Variants in OSBPL6 observed in about 807,000 individuals in gnomAD.
OSBPL6 encodes the protein oxysterol-binding protein-related protein 6.
In OSBPL6, 49 loss-of-function variants were observed where a neutral mutation model predicts 125.8. The ratio of observed to expected loss-of-function variants is 0.39; its 90% CI spans 0.31 to 0.49. The LOEUF is 0.49. Among genes scored for constraint, OSBPL6 ranks in the 20% least tolerant of loss-of-function variants. The probability of loss-of-function intolerance (pLI) is 0.88; values close to 1 mark genes in which losing one functional copy is unlikely to be tolerated. For missense variants in OSBPL6, 986 were observed against 1,135.4 expected (o/e 0.87, Z 1.89); for synonymous variants, 394 against 391.8 (o/e 1.01, Z -0.07).
chr2:178,203,097 C>T (rs1171962147), intron 1 of OSBPL6, among the ~76,000 whole-genome samples: 1 of 152,138 alleles, frequency 6.6e-6, no homozygotes, highest in East Asian at 1.9e-4. Flanking sequence ...TCTCACAGCT[C>T]ACTGAGGCTA....
chr2:178,291,880 T>TC (rs1345645459), intron 2 of OSBPL6, among the ~76,000 whole-genome samples: 1 of 151,974 alleles, frequency 6.6e-6, no homozygotes, highest in Non-Finnish European at 1.5e-5. Context: ...AACCTGAATC[T>TC]CAGAGGTAGG....
intron 1 of OSBPL6, among the ~76,000 whole-genome samples, chr2:178,272,457 A>G (rs978388147): frequency 5.9e-5 from 9 of 152,186 alleles, no homozygotes; most frequent in African/African-American, 2.2e-4. Context: ...CCAGAGGCAA[A>G]CAGTATTTTA....
At chr2:178,237,259 C>T (rs1475740391) in intron 1 of OSBPL6, among the ~76,000 whole-genome samples, 1 of 152,212 alleles carries the variant, frequency 6.6e-6, no homozygotes, top group Non-Finnish European at 1.5e-5. Flanking sequence ...CAAGACCCTA[C>T]TTCTGTCCCC....
At chr2:178,354,999 C>T (rs569055153) in intron 12 of OSBPL6, among the ~76,000 whole-genome samples, 3 of 152,174 alleles carry the variant, frequency 2.0e-5, no homozygotes, top group Non-Finnish European at 4.4e-5. Context: ...GGGTAATTAA[C>T]GAAATGAAGG....
At chr2:178,323,193 A>AG (rs1391818987) in intron 3 of OSBPL6, among the ~76,000 whole-genome samples, 3 of 152,082 alleles carry the variant, frequency 2.0e-5, no homozygotes, top group African/African-American at 7.2e-5. Context: ...TTCCAACCCC[A>AG]CTTCATTCTT....
At chr2:178,339,165 G>C (rs1232069948) in intron 10 of OSBPL6, 71 bp downstream of exon 10, 10 of 857,590 alleles carry the variant, frequency 1.2e-5, no homozygotes, top group Non-Finnish European at 1.8e-5. Context: ...GTTGTTCTAT[G>C]AATATATAAG....
chr2:178,255,285 G>A (rs574315884), intron 1 of OSBPL6, among the ~76,000 whole-genome samples: 4 of 152,306 alleles, frequency 2.6e-5, no homozygotes, highest in South Asian at 2.1e-4. Context: ...GCCTGGCCAC[G>A]CAACAGGGCG....
At chr2:178,259,891 G>A (rs2092002602) in intron 1 of OSBPL6, among the ~76,000 whole-genome samples, 1 of 152,154 alleles carries the variant, frequency 6.6e-6, no homozygotes, top group Non-Finnish European at 1.5e-5. Flanking sequence ...TGCCGCTTAA[G>A]CTTGAGTCTA....
chr2:178,268,509 G>A (rs1042690803), intron 1 of OSBPL6, among the ~76,000 whole-genome samples: 1 of 152,140 alleles, frequency 6.6e-6, no homozygotes, highest in African/African-American at 2.4e-5. Flanking sequence ...AGCATTTCTA[G>A]CATGTTGGAT....
chr2:178,376,651 T>C (rs1415381738), intron 15 of OSBPL6, among the ~76,000 whole-genome samples: 1 of 152,166 alleles, frequency 6.6e-6, no homozygotes, highest in Non-Finnish European at 1.5e-5. Flanking sequence ...AGGATAATAT[T>C]CTAAACTCCT....
intron 1 of OSBPL6, among the ~76,000 whole-genome samples, chr2:178,268,044 G>A (rs1379975881): frequency 6.6e-6 from 1 of 151,282 alleles, no homozygotes; most frequent in Non-Finnish European, 1.5e-5. Flanking sequence ...AACACTAAAG[G>A]TTTTAAAGTA....
chr2:178,286,803 C>T (rs539418892), intron 2 of OSBPL6, among the ~76,000 whole-genome samples: 1 of 152,228 alleles, frequency 6.6e-6, no homozygotes, highest in South Asian at 2.1e-4. Context: ...GACACCAGGG[C>T]GACTCAGAGA....
Position 178,399,993 on chromosome 2 carries a change from C to T in OSBPL6, c.*4434C>T, listed in dbSNP as rs1239928701. ...TCTGCAATTTTTTTTTCTAGCCATTCCTTCCTCCCAAATAGAAGTGAGGGC... is the reference window on the plus strand; with the variant it reads ...TCTGCAATTTTTTTTTCTAGCCATTTCTTCCTCCCAAATAGAAGTGAGGGC... On this transcript the variant is annotated 3_prime_UTR_variant, in exon 25 of 25. Transcript: ENST00000190611. 2 of 151,930 alleles carry T rather than the reference C, an allele frequency of 1.3e-5. No homozygotes were observed. Among genetic ancestry groups the T allele is most frequent in the African/African-American group, 4.8e-5 (2 of 41,354 alleles). 9.4% of individuals were successfully genotyped at this position (151,930 alleles called of 1,614,324 possible).
intron 1 of OSBPL6, among the ~76,000 whole-genome samples, chr2:178,244,517 A>G (rs183502425): frequency 2.0e-5 from 3 of 152,314 alleles, no homozygotes; most frequent in Admixed American, 6.5e-5. Context: ...ATATATTTGC[A>G]TGAATGAATC....
chr2:178,333,118 C>T (rs1046975077), intron 8 of OSBPL6, 77 bp downstream of exon 8: 3 of 1,509,364 alleles, frequency 2.0e-6, no homozygotes, highest in Non-Finnish European at 2.7e-6. Flanking sequence ...CACTGTGGCT[C>T]ACGTGTGTAA....
chr2:178,317,595 G>A (rs1374996492), intron 3 of OSBPL6, among the ~76,000 whole-genome samples: 1 of 150,548 alleles, frequency 6.6e-6, no homozygotes, highest in African/African-American at 2.4e-5. Flanking sequence ...ATCAATACAT[G>A]TTCTTATAAA....
intron 5 of OSBPL6, among the ~76,000 whole-genome samples, chr2:178,329,227 C>T (rs1345702635): frequency 2.0e-5 from 3 of 152,124 alleles, no homozygotes; most frequent in Non-Finnish European, 4.4e-5. Flanking sequence ...TTGTTTACTG[C>T]TCTTTGAAGG....
chr2:178,359,289 A>T (rs1302531387), intron 12 of OSBPL6, among the ~76,000 whole-genome samples: 1 of 152,254 alleles, frequency 6.6e-6, no homozygotes, highest in Non-Finnish European at 1.5e-5. Context: ...AAAATGACCA[A>T]CAAGTACATA....
intron 1 of OSBPL6, among the ~76,000 whole-genome samples, chr2:178,199,265 G>T (rs560138807): frequency 1.3e-5 from 2 of 152,290 alleles, no homozygotes; most frequent in African/African-American, 2.4e-5. Flanking sequence ...TTTAAATTTT[G>T]ATTATACTGT....
Sources: gnomAD v4.1 joint callset for allele counts (sites outside exome capture counted in the v4.1 genomes callset) on GRCh38, gnomAD v4.1.1 for gene constraint, MANE v1.5 for transcripts, NCBI Gene and HGNC (gene_info 2026-07-23, HGNC 2026-07-21) for gene names.